PEAK1: variants seen among roughly 807,000 people sequenced by gnomAD.
The protein encoded by PEAK1 is pseudopodium enriched atypical kinase 1.
In PEAK1, 54 loss-of-function variants were observed where a neutral mutation model predicts 124.7. The ratio of observed to expected loss-of-function variants is 0.43; its 90% CI spans 0.35 to 0.54. PEAK1 has a LOEUF of 0.54. PEAK1 is among the 20% of genes least tolerant of loss of function. The pLI is 0.01. For synonymous variants in PEAK1, 719 were observed against 760.0 expected (o/e 0.95, Z 0.89); for missense variants, 2,046 against 2,134.5 (o/e 0.96, Z 0.82).
chr15:77,297,989 C>T (rs1329282271), intron 2 of PEAK1, among the ~76,000 whole-genome samples: 1 of 125,848 alleles, frequency 7.9e-6, no homozygotes, highest in Admixed American at 9.8e-5. Flanking sequence ...AGCCGGGAAG[C>T]GGAGCTTGCA....
chr15:77,233,337 T>A (rs2059986420), intron 6 of PEAK1, among the ~76,000 whole-genome samples: 1 of 152,214 alleles, frequency 6.6e-6, no homozygotes, highest in Non-Finnish European at 1.5e-5. Flanking sequence ...GTATTTCCCC[T>A]AAGACCACTG....
At chr15:77,363,554 T>C (rs374708542) in intron 2 of PEAK1, among the ~76,000 whole-genome samples, 4 of 152,156 alleles carry the variant, frequency 2.6e-5, no homozygotes, top group Admixed American at 6.5e-5. Context: ...CCCTCAGCAT[T>C]GAGAAAATCC....
At chr15:77,135,254 G>A (rs1192288650) in intron 8 of PEAK1, among the ~76,000 whole-genome samples, 1 of 152,200 alleles carries the variant, frequency 6.6e-6, no homozygotes, top group Non-Finnish European at 1.5e-5. Context: ...GCTGGATGGT[G>A]CTGAGGATGA....
intron 2 of PEAK1, among the ~76,000 whole-genome samples, chr15:77,303,823 A>T (rs773449238): frequency 6.6e-6 from 1 of 152,152 alleles, no homozygotes; most frequent in Admixed American, 6.5e-5. Flanking sequence ...ACCCAGTATC[A>T]TATATGTTTT....
At chr15:77,278,489 G>A (rs2062460669) in intron 5 of PEAK1, 1 of 495,354 alleles carries the variant, frequency 2.0e-6, no homozygotes, top group Middle Eastern at 3.5e-4. Flanking sequence ...GGCTGAAGGG[G>A]ATGCTAAAGG....
chr15:77,264,542 T>C (rs540094638), intron 5 of PEAK1, among the ~76,000 whole-genome samples: 1 of 152,290 alleles, frequency 6.6e-6, no homozygotes, highest in African/African-American at 2.4e-5. Context: ...GAATCCAATT[T>C]ACAAGGGACG....
chr15:77,138,994 C>G (rs2053562430), intron 8 of PEAK1, among the ~76,000 whole-genome samples: 1 of 151,898 alleles, frequency 6.6e-6, no homozygotes, highest in Non-Finnish European at 1.5e-5. Context: ...CTAGTCCTAA[C>G]CCCTGGTACA....
intron 1 of PEAK1, among the ~76,000 whole-genome samples, chr15:77,407,014 A>G (rs987842531): frequency 3.3e-5 from 5 of 152,168 alleles, no homozygotes; most frequent in African/African-American, 1.2e-4. Context: ...ACAAAAAACA[A>G]AGTGGAAAGA....
intron 8 of PEAK1, chr15:77,157,302 TC>T (rs1357850833): frequency 6.6e-6 from 1 of 152,204 alleles, no homozygotes; most frequent in Non-Finnish European, 1.5e-5. Context: ...GGTCAGTAGT[TC>T]ATATGAATCT....
intron 9 of PEAK1, among the ~76,000 whole-genome samples, chr15:77,127,550 A>C (rs2052485625): frequency 6.6e-6 from 1 of 152,208 alleles, no homozygotes; most frequent in Admixed American, 6.5e-5. Flanking sequence ...TGGAAACTGG[A>C]GGAAAGGGAA....
chr15:77,282,852 A>G (rs2062739934), intron 5 of PEAK1, among the ~76,000 whole-genome samples: 1 of 152,176 alleles, frequency 6.6e-6, no homozygotes, highest in Non-Finnish European at 1.5e-5. Flanking sequence ...TTATCTCAAA[A>G]CAAAAACCAA....
At chr15:77,324,277 G>A (rs560665920) in intron 2 of PEAK1, among the ~76,000 whole-genome samples, 12 of 152,174 alleles carry the variant, frequency 7.9e-5, no homozygotes, top group African/African-American at 1.4e-4. Context: ...CAGGAGTTCC[G>A]AGACCAGCAT....
intron 6 of PEAK1, among the ~76,000 whole-genome samples, chr15:77,242,945 A>G (rs2060424492): frequency 6.6e-6 from 1 of 152,240 alleles, no homozygotes; most frequent in Non-Finnish European, 1.5e-5. Flanking sequence ...ATATTAAATA[A>G]GAAACTATCA....
chr15:77,158,891 T>A (rs1469943365), intron 7 of PEAK1, among the ~76,000 whole-genome samples, 195 bp from the exon 8 acceptor site: 1 of 152,174 alleles, frequency 6.6e-6, no homozygotes, highest in South Asian at 2.1e-4. Flanking sequence ...GAGAACCCAA[T>A]TTGATAGAGC....
At position 77,228,547 on chromosome 15, in the gene PEAK1, A is replaced by G. The variant is rs77145426; in HGVS notation, c.-115+23820T>C. On this transcript the variant is annotated intron_variant, in intron 6 of 9. Transcript: ENST00000682557. ...TATTAAGGTGTAAAGAGAGAGAACA[A>G]CTGGATTAAAATATCACACCTTTGC... 5.6e-3 allele frequency among the ~76,000 whole-genome samples: 857 copies of G among 152,254 alleles called. 4 individuals carry two copies. The highest frequency in any genetic ancestry group is 0.013 in the South Asian group (65 of 4,822).
intron 9 of PEAK1, among the ~76,000 whole-genome samples, chr15:77,123,512 G>A (rs1012249540): frequency 3.3e-5 from 5 of 152,186 alleles, no homozygotes; most frequent in African/African-American, 4.8e-5. Context: ...CTGCCACGAA[G>A]ATGGTGTCCC....
intron 6 of PEAK1, among the ~76,000 whole-genome samples, chr15:77,215,322 A>C (rs2059099923): frequency 6.6e-6 from 1 of 151,496 alleles, no homozygotes; most frequent in Non-Finnish European, 1.5e-5. Context: ...ATTTACTCCC[A>C]GTTTGTGGAT....
intron 9 of PEAK1, among the ~76,000 whole-genome samples, chr15:77,123,280 G>C (rs960781920): frequency 7.2e-5 from 11 of 152,112 alleles, no homozygotes; most frequent in Non-Finnish European, 1.5e-4. Context: ...TTTCCTCTGT[G>C]GTCTCGCATG....
chr15:77,152,791 T>A (rs2054769620), intron 8 of PEAK1, among the ~76,000 whole-genome samples: 1 of 152,178 alleles, frequency 6.6e-6, no homozygotes, highest in African/African-American at 2.4e-5. Flanking sequence ...TGGATTACAT[T>A]TATTGATTTG....
Sources: gnomAD v4.1 joint callset for allele counts (sites outside exome capture counted in the v4.1 genomes callset) on GRCh38, gnomAD v4.1.1 for gene constraint, MANE v1.5 for transcripts, NCBI Gene and HGNC (gene_info 2026-07-23, HGNC 2026-07-21) for gene names.